JADE3: variants seen among roughly 807,000 people sequenced by gnomAD.
JADE3 encodes the protein protein Jade-3.
Under a neutral mutation model 50.1 loss-of-function variants are expected in JADE3, and 2 were observed. That is an observed-to-expected ratio of 0.04 (90% CI 0.02 to 0.13). JADE3 has a LOEUF of 0.13. JADE3 is among the 10% of genes least tolerant of loss of function. The pLI is 1.00. For missense variants in JADE3, 475 were observed against 634.4 expected, an observed-to-expected ratio of 0.75 and a Z score of 2.70; for synonymous variants, 218 against 232.9, an observed-to-expected ratio of 0.94 and a Z score of 0.58.
At chrX:46,956,256 G>A (rs1556346287) in intron 1 of JADE3, among the ~76,000 whole-genome samples, 1 of 111,488 alleles carries the variant, frequency 9.0e-6, no homozygotes, top group South Asian at 3.8e-4. Flanking sequence ...GTAGACAAGG[G>A]GTTTCACCAT....
intron 3 of JADE3, 81 bp downstream of exon 3, chrX:46,985,873 C>T (rs1927850777): frequency 3.0e-6 from 2 of 671,241 alleles, no homozygotes; most frequent in Middle Eastern, 3.1e-4. Context: ...AAATTATATC[C>T]CAATGTTGGA....
chrX:47,015,673 T>C (rs1272640796), intron 4 of JADE3, among the ~76,000 whole-genome samples: 1 of 109,618 alleles, frequency 9.1e-6, no homozygotes, highest in Non-Finnish European at 1.9e-5. Context: ...TATTATGTAT[T>C]GGGATACGCC....
chrX:46,941,891 C>T (rs1255905258), intron 1 of JADE3, among the ~76,000 whole-genome samples: 1 of 107,489 alleles, frequency 9.3e-6, no homozygotes, highest in African/African-American at 3.4e-5. Flanking sequence ...GCAGGTGCCA[C>T]CATGCCTGGC....
intron 1 of JADE3, among the ~76,000 whole-genome samples, chrX:46,977,341 G>A (rs572752568): frequency 9.0e-6 from 1 of 111,656 alleles, no homozygotes; most frequent in Admixed American, 9.5e-5. Context: ...CCTGGGTGAC[G>A]GAGTGAGACT....
chrX:46,970,422 A>G (rs1404038142), intron 1 of JADE3, among the ~76,000 whole-genome samples: 3 of 111,677 alleles, frequency 2.7e-5, no homozygotes, highest in Non-Finnish European at 5.6e-5. Flanking sequence ...CCCATATCCT[A>G]TTTGATTGAT....
intron 3 of JADE3, among the ~76,000 whole-genome samples, chrX:46,986,267 T>C (rs1014199827): frequency 8.9e-6 from 1 of 112,522 alleles, no homozygotes; most frequent in Non-Finnish European, 1.9e-5. Flanking sequence ...AATGTCTGCC[T>C]CCTAACTATA....
At chrX:46,971,285 T>G (rs1309916969) in intron 1 of JADE3, among the ~76,000 whole-genome samples, 11 of 106,913 alleles carry the variant, frequency 1.0e-4, no homozygotes, top group African/African-American at 3.7e-4. Context: ...CCAGCTAATT[T>G]TTGTATTTTT....
chrX:47,041,682 CT>C (rs782168941), intron 8 of JADE3, among the ~76,000 whole-genome samples: 135 of 102,349 alleles, frequency 1.3e-3, no homozygotes, highest in South Asian at 3.0e-3. Flanking sequence ...GCACTGTGCT[CT>C]TTTTTTTTTT....
intron 5 of JADE3, among the ~76,000 whole-genome samples, chrX:47,026,437 T>C (rs1556365526): frequency 1.8e-5 from 2 of 111,806 alleles, no homozygotes; most frequent in Non-Finnish European, 3.8e-5. Flanking sequence ...ATGTCAAAAC[T>C]ACAAAACCAA....
At chrX:47,038,151 A>ATAT (rs1929174469) in intron 7 of JADE3, among the ~76,000 whole-genome samples, 1 of 111,588 alleles carries the variant, frequency 9.0e-6, no homozygotes, top group Admixed American at 9.5e-5. Context: ...GTTGAATAGT[A>ATAT]CTCCATTGTA....
intron 1 of JADE3, among the ~76,000 whole-genome samples, chrX:46,971,261 G>A (rs1054798169): frequency 9.4e-6 from 1 of 106,508 alleles, no homozygotes; most frequent in African/African-American, 3.4e-5. Flanking sequence ...GATTACAGGC[G>A]ACTGCCACCA....
At chrX:46,991,596 T>C (rs942726690) in intron 3 of JADE3, among the ~76,000 whole-genome samples, 8 of 111,727 alleles carry the variant, frequency 7.2e-5, no homozygotes, top group African/African-American at 2.0e-4. Context: ...TTGGGTCATA[T>C]AGTAACTCTA....
intron 1 of JADE3, among the ~76,000 whole-genome samples, chrX:46,931,729 A>G (rs1194673801): frequency 4.5e-5 from 5 of 112,111 alleles, no homozygotes; most frequent in Admixed American, 9.5e-5. Context: ...CAGCCTATAT[A>G]AATTTTTTTA....
intron 6 of JADE3, among the ~76,000 whole-genome samples, chrX:47,030,031 G>GT (rs1928983933): frequency 9.1e-6 from 1 of 110,213 alleles, no homozygotes; most frequent in African/African-American, 3.3e-5. Flanking sequence ...TGGTTATATG[G>GT]TATTGCCCCT....
At chrX:47,020,018 C>T (rs1304378739) in intron 4 of JADE3, among the ~76,000 whole-genome samples, 9 of 112,191 alleles carry the variant, frequency 8.0e-5, no homozygotes, top group Non-Finnish European at 1.5e-4. Flanking sequence ...CTGATTTGGT[C>T]AATGGTCTAG....
chrX:47,042,401 C>T (rs1929280793), intron 8 of JADE3, among the ~76,000 whole-genome samples: 2 of 111,203 alleles, frequency 1.8e-5, no homozygotes, highest in African/African-American at 3.3e-5. Flanking sequence ...ATCCCCTATA[C>T]CCGAATCTAG....
In JADE3 at chrX:46,936,205, A is replaced by G. The variant is rs112651644; in HGVS notation, c.-12+23486A>G. On this transcript the variant is annotated intron_variant, in intron 1 of 10. Transcript: ENST00000614628. Reference sequence around the variant, plus strand: ...AGCTAATTTTTGTATTTTTAGTAGAAACGGGGTTTCGCCATGTTGGCCAAG... The same window carrying G: ...AGCTAATTTTTGTATTTTTAGTAGAGACGGGGTTTCGCCATGTTGGCCAAG... Among the ~76,000 whole-genome samples, 520 of 109,050 alleles carry G rather than the reference A, an allele frequency of 4.8e-3. 7 individuals carry two copies. The highest frequency in any genetic ancestry group is 0.016 in the African/African-American group (473 of 29,755). The allele number at this position is 109,050 out of a possible 115,157, so 94.7% of individuals were successfully genotyped here.
chrX:46,975,806 G>A (rs371786015), intron 1 of JADE3, among the ~76,000 whole-genome samples: 7 of 85,039 alleles, frequency 8.2e-5, no homozygotes, highest in African/African-American at 2.8e-4. Context: ...TGCAACCTCC[G>A]CCTCCCAGGT....
chrX:47,017,737 G>C (rs1330747434), intron 4 of JADE3, among the ~76,000 whole-genome samples: 3 of 111,890 alleles, frequency 2.7e-5, no homozygotes, highest in Non-Finnish European at 5.6e-5. Context: ...ATTGGATATA[G>C]ATAGGTCCCT....
Sources: gnomAD v4.1 joint callset for allele counts (sites outside exome capture counted in the v4.1 genomes callset) on GRCh38, gnomAD v4.1.1 for gene constraint, MANE v1.5 for transcripts, NCBI Gene and HGNC (gene_info 2026-07-23, HGNC 2026-07-21) for gene names.